The following KCNMA1 variants were observed in gnomAD, a reference collection of about 807,000 sequenced individuals.
KCNMA1 encodes the protein potassium calcium-activated channel subfamily M alpha 1.
KCNMA1 carries 29 observed loss-of-function variants against 140.0 expected under a neutral mutation model. The ratio of observed to expected loss-of-function variants is 0.21; its 90% CI spans 0.15 to 0.28. The LOEUF is 0.28. Ranked by LOEUF, KCNMA1 falls within the 10% of genes least tolerant of loss-of-function variation. The pLI is 1.00. For missense variants in KCNMA1, 880 were observed against 1,602.2 expected (o/e 0.55, Z 7.70); for synonymous variants, 612 against 611.9 (o/e 1.00, Z 0.00).
chr10:77,575,671 C>T lies in KCNMA1; in HGVS notation c.378+61594G>A, dbSNP rs146070873. ...ATGCTGGTTCGCAATATTGGCTGCA[C>T]ATTAGGATCACCCGGGGAGCATCTG... On this transcript the variant is annotated intron_variant, in intron 1 of 27. Coordinates refer to ENST00000286628, the MANE Select transcript of KCNMA1 (RefSeq NM_001161352.2). Among the ~76,000 whole-genome samples, 370 of 152,364 alleles carry T rather than the reference C, an allele frequency of 2.4e-3. 8 individuals are homozygous for T. The South Asian group carries it at 0.025, about 10-fold the overall frequency.
At chr10:76,950,998 C>G (rs2066048112) in intron 21 of KCNMA1, among the ~76,000 whole-genome samples, 1 of 152,156 alleles carries the variant, frequency 6.6e-6, no homozygotes, top group Non-Finnish European at 1.5e-5. Flanking sequence ...CAGGAGACAG[C>G]CAACCAGTCT....
intron 11 of KCNMA1, among the ~76,000 whole-genome samples, chr10:77,085,725 C>T (rs1220315620): frequency 2.0e-5 from 3 of 152,026 alleles, no homozygotes; most frequent in Non-Finnish European, 2.9e-5. Flanking sequence ...TCATCTTGGC[C>T]AATTATATTA....
intron 2 of KCNMA1, among the ~76,000 whole-genome samples, chr10:77,330,329 G>A (rs1423389416): frequency 2.0e-5 from 3 of 152,140 alleles, no homozygotes; most frequent in African/African-American, 7.2e-5. Context: ...CATGCTTGGG[G>A]CCACTCCTAC....
chr10:77,143,077 G>A (rs981826968), intron 5 of KCNMA1, among the ~76,000 whole-genome samples: 2 of 151,794 alleles, frequency 1.3e-5, no homozygotes, highest in African/African-American at 4.8e-5. Flanking sequence ...TATAATGCCA[G>A]AATAATCATG....
intron 2 of KCNMA1, among the ~76,000 whole-genome samples, chr10:77,269,420 T>C (rs532540633): frequency 1.3e-5 from 2 of 152,268 alleles, no homozygotes; most frequent in African/African-American, 2.4e-5. Context: ...TGCACCCCCA[T>C]CTGCTGTAAT....
chr10:77,360,799 G>A (rs953200810), intron 2 of KCNMA1, among the ~76,000 whole-genome samples: 3 of 152,178 alleles, frequency 2.0e-5, no homozygotes, highest in Non-Finnish European at 2.9e-5. Context: ...TGCTCTGGGT[G>A]AAACAAAGCA....
At chr10:77,112,538 G>C (rs1401226881) in intron 6 of KCNMA1, 96 bp from the exon 7 acceptor site, 2 of 826,314 alleles carry the variant, frequency 2.4e-6, no homozygotes. Flanking sequence ...AGCAGGAGAG[G>C]CTGCCACATC....
intron 2 of KCNMA1, among the ~76,000 whole-genome samples, chr10:77,367,509 T>A (rs1264707719): frequency 6.6e-6 from 1 of 152,284 alleles, no homozygotes; most frequent in Admixed American, 6.5e-5. Context: ...CCAGGCCCCA[T>A]TGCTAAACCT....
At chr10:76,899,960 T>C (rs985878324) in intron 25 of KCNMA1, among the ~76,000 whole-genome samples, 3 of 152,078 alleles carry the variant, frequency 2.0e-5, no homozygotes, top group African/African-American at 4.8e-5. Context: ...GCAAAACTAT[T>C]GGCTAGGGAA....
Position 77,258,594 on chromosome 10 carries a change from T to C in KCNMA1, c.541-7338A>G, listed in dbSNP as rs368938092. Among the ~76,000 whole-genome samples, 26 of 152,290 alleles carry C rather than the reference T, an allele frequency of 1.7e-4. 1 individual carries two copies. The highest frequency in any genetic ancestry group is 6.0e-4 in the African/African-American group (25 of 41,572). On this transcript the variant is annotated intron_variant, in intron 2 of 27. Transcript: ENST00000286628. The stretch of plus-strand genomic sequence containing the variant: ...TTTTCCTAAGGGAAAAAGAAAATGA[T>C]TTTTTTCTCTTTACTGTTTAGCAAG...
At chr10:76,938,276 C>T (rs761545294) in intron 23 of KCNMA1, among the ~76,000 whole-genome samples, 24 of 152,134 alleles carry the variant, frequency 1.6e-4, no homozygotes, top group African/African-American at 7.2e-5. Context: ...ACTAAGTCCC[C>T]GTGGAAATAA....
intron 5 of KCNMA1, among the ~76,000 whole-genome samples, chr10:77,138,433 A>G (rs1324131116): frequency 6.6e-6 from 1 of 152,038 alleles, no homozygotes; most frequent in African/African-American, 2.4e-5. Context: ...CTGACTTTAC[A>G]TCTTAAATAT....
intron 2 of KCNMA1, among the ~76,000 whole-genome samples, chr10:77,324,614 G>T (rs1418860474): frequency 6.6e-6 from 1 of 152,076 alleles, no homozygotes; most frequent in Non-Finnish European, 1.5e-5. Flanking sequence ...TCACTATGCT[G>T]CCCAGACTGG....
chr10:77,421,898 C>T (rs1172848574), intron 1 of KCNMA1, among the ~76,000 whole-genome samples: 1 of 152,210 alleles, frequency 6.6e-6, no homozygotes, highest in Non-Finnish European at 1.5e-5. Flanking sequence ...TGGACTAGAG[C>T]CATGTTTCCC....
chr10:77,149,457 C>G (rs1267281107), intron 5 of KCNMA1, among the ~76,000 whole-genome samples: 2 of 152,174 alleles, frequency 1.3e-5, no homozygotes, highest in Non-Finnish European at 2.9e-5. Flanking sequence ...TTGTCTCCTT[C>G]TTTGTGTTCA....
chr10:77,535,331 G>A (rs567765685), intron 1 of KCNMA1, among the ~76,000 whole-genome samples: 6 of 152,098 alleles, frequency 3.9e-5, no homozygotes, highest in African/African-American at 1.2e-4. Context: ...CGAAAAATAC[G>A]GATGGAAGTA....
chr10:77,184,953 G>T, intron 3 of KCNMA1, 37 bp from the exon 4 acceptor site: 1 of 1,220,232 alleles, frequency 8.2e-7, no homozygotes. Flanking sequence ...AGAGGTAAAT[G>T]ACAGGTAGTA....
intron 1 of KCNMA1, among the ~76,000 whole-genome samples, chr10:77,531,681 C>T (rs1398161225): frequency 2.0e-5 from 3 of 152,228 alleles, no homozygotes; most frequent in South Asian, 4.1e-4. Context: ...CAGAAACACC[C>T]GGCCCTTCAT....
At chr10:77,298,054 C>T (rs948524317) in intron 2 of KCNMA1, among the ~76,000 whole-genome samples, 3 of 152,140 alleles carry the variant, frequency 2.0e-5, no homozygotes, top group African/African-American at 7.2e-5. Context: ...AAGAAACTGG[C>T]AACCTAGACA....
Sources: gnomAD v4.1 joint callset for allele counts (sites outside exome capture counted in the v4.1 genomes callset) on GRCh38, gnomAD v4.1.1 for gene constraint, MANE v1.5 for transcripts, NCBI Gene and HGNC (gene_info 2026-07-23, HGNC 2026-07-21) for gene names.